The following PDZRN3 variants were observed in gnomAD, a reference collection of about 807,000 sequenced individuals.
PDZRN3 encodes E3 ubiquitin-protein ligase PDZRN3.
Under a neutral mutation model 85.7 loss-of-function variants are expected in PDZRN3, and 38 were observed. The observed-to-expected ratio is 0.44, with a 90% CI of 0.34 to 0.58. The LOEUF is 0.58. Among genes scored for constraint, PDZRN3 ranks in the 20% least tolerant of loss-of-function variants. PDZRN3 has a pLI of 0.01. For synonymous variants in PDZRN3, 759 were observed against 638.0 expected, an observed-to-expected ratio of 1.19 and a Z score of -2.86; for missense variants, 1,629 against 1,506.4, an observed-to-expected ratio of 1.08 and a Z score of -1.35.
intron 3 of PDZRN3, among the ~76,000 whole-genome samples, chr3:73,514,858 T>A (rs973849354): frequency 4.6e-5 from 7 of 152,212 alleles, no homozygotes; most frequent in African/African-American, 1.7e-4. Flanking sequence ...TTCACCTGCA[T>A]AATCTCATTT....
chr3:73,445,799 G>T (rs1702737338), intron 3 of PDZRN3, among the ~76,000 whole-genome samples: 1 of 152,164 alleles, frequency 6.6e-6, no homozygotes, highest in South Asian at 2.1e-4. Context: ...CCTATAAATG[G>T]GGGAAAGGAA....
chr3:73,542,924 C>A (rs954434386), intron 3 of PDZRN3, among the ~76,000 whole-genome samples: 1 of 152,220 alleles, frequency 6.6e-6, no homozygotes, highest in African/African-American at 2.4e-5. Flanking sequence ...CATCCACACC[C>A]CTTCCATAAC....
chr3:73,385,007 G>C, intron 9 of PDZRN3, 77 bp from the exon 10 acceptor site: 3 of 1,500,142 alleles, frequency 2.0e-6, no homozygotes, highest in East Asian at 2.3e-5. Context: ...CTTTCCTTGC[G>C]GTTTCTGGAT....
intron 3 of PDZRN3, among the ~76,000 whole-genome samples, chr3:73,465,410 C>T (rs565322792): frequency 6.6e-6 from 1 of 152,302 alleles, no homozygotes; most frequent in African/African-American, 2.4e-5. Flanking sequence ...GTGATCTGAA[C>T]ATTCACTGAG....
At chr3:73,569,246 G>A (rs1420884741) in intron 3 of PDZRN3, 3 of 1,283,094 alleles carry the variant, frequency 2.3e-6, no homozygotes, top group Non-Finnish European at 2.0e-6. Context: ...CTGCAAAGAT[G>A]AACAAGAGGA....
intron 1 of PDZRN3, among the ~76,000 whole-genome samples, chr3:73,613,473 T>C (rs1049076840): frequency 6.6e-6 from 1 of 152,028 alleles, no homozygotes; most frequent in Admixed American, 6.6e-5. Flanking sequence ...AGAAACGAGC[T>C]GGGGAGTCTG....
intron 3 of PDZRN3, among the ~76,000 whole-genome samples, chr3:73,450,654 A>G (rs1702840027): frequency 1.3e-5 from 2 of 152,226 alleles, no homozygotes; most frequent in Admixed American, 1.3e-4. Flanking sequence ...ATGTGGTCAA[A>G]CTGGTTTAGG....
At chr3:73,477,501 G>A (rs1266831050) in intron 3 of PDZRN3, among the ~76,000 whole-genome samples, 3 of 152,286 alleles carry the variant, frequency 2.0e-5, no homozygotes, top group Non-Finnish European at 2.9e-5. Context: ...TAAAATTAAA[G>A]TCTGCTTGGT....
intron 3 of PDZRN3, among the ~76,000 whole-genome samples, chr3:73,486,705 G>A (rs1242892742): frequency 6.6e-6 from 1 of 152,212 alleles, no homozygotes; most frequent in East Asian, 1.9e-4. Flanking sequence ...TTTCCTCAAT[G>A]TAGCATTGGT....
At chr3:73,428,957 G>A (rs1245923650) in intron 3 of PDZRN3, among the ~76,000 whole-genome samples, 1 of 151,906 alleles carries the variant, frequency 6.6e-6, no homozygotes, top group Non-Finnish European at 1.5e-5. Context: ...GGAATGCAGT[G>A]GCACCAGCAT....
intron 3 of PDZRN3, among the ~76,000 whole-genome samples, chr3:73,488,550 A>C (rs965767674): frequency 9.2e-5 from 14 of 152,148 alleles, no homozygotes; most frequent in African/African-American, 3.1e-4. Flanking sequence ...CTTGTCATCC[A>C]AGAAGCCACC....
At chr3:73,599,088 T>A (rs1702473220) in intron 3 of PDZRN3, among the ~76,000 whole-genome samples, 1 of 152,226 alleles carries the variant, frequency 6.6e-6, no homozygotes, top group Non-Finnish European at 1.5e-5. Flanking sequence ...GACCTAGCTC[T>A]GTTTTACATA....
intron 3 of PDZRN3, among the ~76,000 whole-genome samples, chr3:73,546,077 A>G (rs1037621691): frequency 1.3e-5 from 2 of 152,134 alleles, no homozygotes; most frequent in Non-Finnish European, 2.9e-5. Context: ...CTTATTCTGT[A>G]TACTGTGTCC....
At chr3:73,562,658 A>C (rs901616603) in intron 3 of PDZRN3, among the ~76,000 whole-genome samples, 2 of 152,100 alleles carry the variant, frequency 1.3e-5, no homozygotes, top group Non-Finnish European at 2.9e-5. Flanking sequence ...TGAAGCTTAC[A>C]TAATTTGGGG....
Position 73,384,387 on chromosome 3 carries a change from G to A in PDZRN3, c.2179C>T (p.Arg727Cys), listed in dbSNP as rs970562680. 7 of 1,609,108 alleles carry A rather than the reference G, an allele frequency of 4.4e-6. No individual in the cohort carries two copies. Among genetic ancestry groups the A allele is most frequent in the Non-Finnish European group, 5.9e-6 (7 of 1,179,946 alleles). ...ACGTCGATGCTGGTGTTGTAGTTGC[G>A]GAAGCCGCTGTTGTGCAGCATCCAG... The part of the protein sequence containing the change: ...ESWMLHNSGF[R>C]NYNTSIDVRR... Residue 727 changes from arginine (R) to cysteine (C), a missense_variant, in exon 10 of 10, where the codon CGC (arginine) becomes TGC (cysteine). Coordinates refer to ENST00000263666, the MANE Select transcript of PDZRN3 (RefSeq NM_015009.3).
rs1701430526 is a variant in PDZRN3 at position 73,387,872 on chromosome 3, A to G, written c.1518+96T>C. On this transcript the variant is annotated intron_variant, in intron 8 of 9. Coordinates refer to ENST00000263666, the MANE Select transcript of PDZRN3 (RefSeq NM_015009.3). ...ATTTCCAGGGAACAAAGCACCTTCA[A>G]GTTCGCAGCCAATACTCAGGTGCTC... 5 of 636,164 alleles carry G rather than the reference A, an allele frequency of 7.9e-6. No individual in the cohort carries two copies. In the East Asian group the frequency reaches 7.9e-5, roughly 10 times the overall value. The allele number at this position is 636,164 out of a possible 1,614,324, so 39.4% of individuals were successfully genotyped here. A position where few individuals can be genotyped will look rare whatever the true frequency, so the allele number is the denominator to read the frequency against.
chr3:73,470,346 T>G (rs1703311561), intron 3 of PDZRN3, among the ~76,000 whole-genome samples: 1 of 152,214 alleles, frequency 6.6e-6, no homozygotes, highest in Admixed American at 6.5e-5. Flanking sequence ...CAGTGTGGTC[T>G]GAGACTATAT....
chr3:73,538,441 G>A lies in PDZRN3; in HGVS notation c.918+63913C>T, dbSNP rs368104404. Among the ~76,000 whole-genome samples the A allele has an allele frequency of 1.1e-4, 16 of 152,250 alleles. No homozygotes were observed. In the East Asian group the frequency reaches 2.5e-3, roughly 24 times the overall value. On this transcript the variant is annotated intron_variant, in intron 3 of 9. Transcript: ENST00000263666. ...GTAGTTTTCTGAAGGTCAGCAAAAT[G>A]AGCTTTGCCAGAGCACCAGGGACTC...
At chr3:73,578,579 G>A (rs1432093707) in intron 3 of PDZRN3, among the ~76,000 whole-genome samples, 1 of 152,170 alleles carries the variant, frequency 6.6e-6, no homozygotes, top group Non-Finnish European at 1.5e-5. Flanking sequence ...AGGAAAGGGA[G>A]AATGAGTGAC....
Sources: gnomAD v4.1 joint callset for allele counts (sites outside exome capture counted in the v4.1 genomes callset) on GRCh38, gnomAD v4.1.1 for gene constraint, MANE v1.5 for transcripts, NCBI Gene and HGNC (gene_info 2026-07-23, HGNC 2026-07-21) for gene names.